The following DOCK8 variants were observed in gnomAD, a reference collection of about 807,000 sequenced individuals.
DOCK8 encodes the protein dedicator of cytokinesis 8.
Under a neutral mutation model 245.6 loss-of-function variants are expected in DOCK8, and 141 were observed. The observed-to-expected ratio is 0.57, with a 90% confidence interval of 0.50 to 0.66. The LOEUF (loss-of-function observed/expected upper bound fraction) is 0.66. Among genes scored for constraint, DOCK8 ranks in the 30% least tolerant of loss-of-function variants. DOCK8 has a pLI of 0.00. For missense variants in DOCK8, 2,965 were observed against 2,603.4 expected (o/e 1.14, Z -3.02); for synonymous variants, 1,168 against 970.2 (o/e 1.20, Z -3.79).
chr9:224,190 A>G lies in DOCK8; in HGVS notation c.53+9161A>G, dbSNP rs567338029. ...GTTATTTAGAACTGTTCATTCTGAC[A>G]GTGTTTTTCAATTACTCCTTAATAT... On this transcript the variant is annotated intron_variant, in intron 1 of 47. Transcript: ENST00000432829. 1.6e-4 allele frequency among the ~76,000 whole-genome samples: 25 copies of G among 152,334 alleles called. No homozygotes were observed. In the South Asian group the frequency reaches 3.7e-3, roughly 23 times the overall value.
At chr9:397,349 TCA>T (rs2054511772) in intron 25 of DOCK8, among the ~76,000 whole-genome samples, 2 of 63,490 alleles carry the variant, frequency 3.2e-5, no homozygotes, top group Admixed American at 1.8e-4. Flanking sequence ...AGACTCTGTC[TCA>T]AAAAAAAAAA....
chr9:325,631 A>T (rs1287207257), intron 7 of DOCK8, 40 bp from the exon 8 acceptor site: 1 of 1,572,200 alleles, frequency 6.4e-7, no homozygotes, highest in Non-Finnish European at 8.8e-7. Flanking sequence ...AAAATTATCT[A>T]ACTCAAAGCC....
In DOCK8 at chr9:350,586, C is replaced by A. The variant is rs530896574; in HGVS notation, c.1679+10265C>A. 6.6e-4 allele frequency among the ~76,000 whole-genome samples: 100 copies of A among 152,232 alleles called. 1 individual carries two copies. The South Asian group carries it at 0.02, about 31-fold the overall frequency. On this transcript the variant is annotated intron_variant, in intron 14 of 47. Coordinates refer to ENST00000432829, the MANE Select transcript of DOCK8 (RefSeq NM_203447.4). ...GGGGTTTGGTTTTCTGGCAGGTTTT[C>A]TTTCATTTTAATAACGAGCCAACCC...
rs531328076 is a variant in DOCK8 at position 432,231 on chromosome 9, C to A, written c.4692C>A (p.Asp1564Glu). The change falls in exon 37 of 48, where the codon GAC becomes GAA. Residue 1564 changes from aspartate (D) to glutamate (E), a missense_variant. This residue lies in a region of DOCK8 where 2,825 missense variants were observed against 2,453.5 expected (regional missense o/e 1.15). Coordinates refer to ENST00000432829, the MANE Select transcript of DOCK8 (RefSeq NM_203447.4). ...CATCTTTGGTGGGAAGAGCACCAGA[C>A]TTTAATGAAGAGCACCTGAGAAGAT... ...SLASLVGRAPDFNEEHLRRSL... is the reference protein window; with the variant it reads ...SLASLVGRAPEFNEEHLRRSL... The A allele has an allele frequency of 1.2e-6, 2 of 1,613,312 alleles. No individual in the cohort carries two copies. The highest frequency in any genetic ancestry group is 1.7e-6 in the Non-Finnish European group (2 of 1,179,918).
At chr9:277,337 A>C (rs1447929720) in intron 2 of DOCK8, among the ~76,000 whole-genome samples, 2 of 151,870 alleles carry the variant, frequency 1.3e-5, no homozygotes, top group Non-Finnish European at 2.9e-5. Flanking sequence ...AGGCAGAAGG[A>C]TCACTTGAAC....
At chr9:244,126 T>C (rs1327328740) in intron 1 of DOCK8, among the ~76,000 whole-genome samples, 1 of 148,994 alleles carries the variant, frequency 6.7e-6, no homozygotes, top group East Asian at 2.0e-4. Context: ...AGGTGGAGCT[T>C]GCAGTGAGCA....
At chr9:397,350 CAA>C (rs36020302) in intron 25 of DOCK8, among the ~76,000 whole-genome samples, 14 of 87,542 alleles carry the variant, frequency 1.6e-4, no homozygotes, top group Middle Eastern at 6.6e-3. Context: ...GACTCTGTCT[CAA>C]AAAAAAAAAA....
intron 1 of DOCK8, among the ~76,000 whole-genome samples, chr9:236,106 G>C (rs1467119526): frequency 1.3e-5 from 2 of 152,110 alleles, no homozygotes; most frequent in African/African-American, 4.8e-5. Flanking sequence ...TGCAGGCTTG[G>C]TGTCATGGCC....
intron 31 of DOCK8, 112 bp downstream of exon 31, chr9:420,695 T>G (rs912311129): frequency 1.8e-5 from 26 of 1,412,980 alleles, no homozygotes; most frequent in Non-Finnish European, 2.2e-5. Context: ...TTTTTCTCAT[T>G]TCTGTATTCA....
chr9:432,318 C>T lies in DOCK8; in HGVS notation c.4779C>T (p.Pro1593=), dbSNP rs772815725. The change falls in exon 37 of 48, where the codon CCC becomes CCT. Residue 1593 remains proline (P), a synonymous_variant. Transcript: ENST00000432829. The part of the protein sequence containing the change: ...EDTAMQMTPF[P]TQVEELLCNL... ...CAGCCATGCAGATGACTCCTTTTCC[C>T]ACCCAGGTACACCGAAGCACATACC... 4 of 1,614,066 alleles carry T rather than the reference C, an allele frequency of 2.5e-6. No individual in the cohort carries two copies. Among genetic ancestry groups the T allele is most frequent in the Non-Finnish European group, 2.5e-6 (3 of 1,180,002 alleles).
intron 1 of DOCK8, among the ~76,000 whole-genome samples, chr9:249,039 A>T (rs1231193801): frequency 2.6e-5 from 4 of 152,166 alleles, no homozygotes; most frequent in African/African-American, 9.7e-5. Flanking sequence ...GGTTGAACCC[A>T]ATATCCTATC....
chr9:397,974 A>C (rs923302994), intron 25 of DOCK8, among the ~76,000 whole-genome samples: 3 of 152,232 alleles, frequency 2.0e-5, no homozygotes, highest in African/African-American at 7.2e-5. Flanking sequence ...GAATAAATCA[A>C]ATGTTTAAAA....
At chr9:249,997 G>C (rs893220168) in intron 1 of DOCK8, among the ~76,000 whole-genome samples, 1 of 152,112 alleles carries the variant, frequency 6.6e-6, no homozygotes, top group African/African-American at 2.4e-5. Context: ...GTTGCAGGTA[G>C]TCCAAAGGCC....
At chr9:434,605 A>G (rs528444158) in intron 38 of DOCK8, among the ~76,000 whole-genome samples, 178 bp from the exon 39 acceptor site, 1 of 152,340 alleles carries the variant, frequency 6.6e-6, no homozygotes, top group East Asian at 1.9e-4. Flanking sequence ...TGGAATAAAA[A>G]TAGTTGGACT....
At chr9:384,971 G>C (rs1404643789) in intron 22 of DOCK8, among the ~76,000 whole-genome samples, 2 of 152,128 alleles carry the variant, frequency 1.3e-5, no homozygotes, top group African/African-American at 4.8e-5. Context: ...CACCCCCTGA[G>C]ATGCTGATGA....
intron 14 of DOCK8, among the ~76,000 whole-genome samples, chr9:345,178 CA>C (rs2051819320): frequency 6.6e-6 from 1 of 152,100 alleles, no homozygotes; most frequent in Non-Finnish European, 1.5e-5. Flanking sequence ...ATTTCCATGC[CA>C]ATCAATAATC....
chr9:415,336 A>T (rs1232710566), intron 29 of DOCK8, among the ~76,000 whole-genome samples: 1 of 152,152 alleles, frequency 6.6e-6, no homozygotes, highest in Non-Finnish European at 1.5e-5. Flanking sequence ...TTTTATGAAT[A>T]TGTAAGCAAA....
chr9:214,531 C>G (rs747821121), upstream of DOCK8: 203 of 1,613,412 alleles, frequency 1.3e-4, no homozygotes, highest in Non-Finnish European at 1.6e-4. Context: ...GGGGTGATTC[C>G]CGACCTCGCC....
Position 376,263 on chromosome 9 carries a change from A to G in DOCK8, c.2163A>G (p.Val721=). 2 of 1,613,608 alleles carry G rather than the reference A, an allele frequency of 1.2e-6. No homozygotes were observed. The highest frequency in any genetic ancestry group is 2.2e-5 in the East Asian group (1 of 44,864). ...AGTGGGCTGAAGGACATAAGGGAGT[A>G]TTTAATATTGAAGTGCAAGCTGTTT... ...PIKWAEGHKG[V]FNIEVQAVSS... Residue 721 remains valine (V), a synonymous_variant, in exon 19 of 48, where the codon GTA becomes GTG. Transcript: ENST00000432829.
Sources: gnomAD v4.1 joint callset for allele counts (sites outside exome capture counted in the v4.1 genomes callset) on GRCh38, gnomAD v4.1.1 for gene constraint, gnomAD v4.1.1 regional missense constraint, MANE v1.5 for transcripts, NCBI Gene and HGNC (gene_info 2026-07-23, HGNC 2026-07-21) for gene names.